A2M: variants seen among roughly 807,000 people sequenced by gnomAD.
The protein encoded by A2M is C3 and PZP-like alpha-2-macroglobulin domain-containing protein 5.
A neutral mutation model predicts 183.9 loss-of-function variants in A2M; 128 were observed. The observed-to-expected ratio is 0.70, with a 90% CI of 0.60 to 0.81. The LOEUF (loss-of-function observed/expected upper bound fraction) is 0.81. Ranked by LOEUF, A2M falls within the 30% of genes least tolerant of loss-of-function variation. A2M has a pLI of 0.00. For missense variants in A2M, 1,495 were observed against 1,787.6 expected, an observed-to-expected ratio of 0.84 and a Z score of 2.95; for synonymous variants, 592 against 670.8, an observed-to-expected ratio of 0.88 and a Z score of 1.81.
At chr12:9,113,105 CTTT>C (rs11463805) in intron 2 of A2M, among the ~76,000 whole-genome samples, 1 of 143,920 alleles carries the variant, frequency 6.9e-6, no homozygotes, top group African/African-American at 2.6e-5. Context: ...GTCACATTTT[CTTT>C]TTTTTTTTTT....
intron 17 of A2M, among the ~76,000 whole-genome samples, chr12:9,094,375 A>ATAT (rs1949310145): frequency 7.3e-6 from 1 of 136,300 alleles, no homozygotes; most frequent in African/African-American, 2.7e-5. Context: ...ATATATATAT[A>ATAT]CCTATACATG....
rs376118057 is a variant in A2M at position 9,072,852 on chromosome 12, T to G, written c.3776A>C (p.His1259Pro). ...SSTQDTVVAL[H>P]ALSKYGAATF... is the part of the protein sequence containing the mutation. ...GGCTGCTCCATATTTGGACAGAGCA[T>G]GGAGAGCCACCACTGTGTCCTGTTA... The change falls in exon 30 of 36, where the codon CAT (histidine) becomes CCT (proline). Residue 1259 changes from histidine to proline, a missense_variant. Coordinates refer to ENST00000318602, the MANE Select transcript of A2M (RefSeq NM_000014.6). 3.1e-5 allele frequency: 50 copies of G among 1,613,850 alleles called. No homozygotes were observed. The highest frequency in any genetic ancestry group is 4.1e-5 in the Non-Finnish European group (48 of 1,179,932).
At chr12:9,107,440 C>T (rs2137934615) in intron 8 of A2M, 84 bp downstream of exon 8, 2 of 1,520,090 alleles carry the variant, frequency 1.3e-6, no homozygotes, top group Non-Finnish European at 1.8e-6. Flanking sequence ...TTGTTCTCTT[C>T]CTGCGTCAGA....
intron 4 of A2M, among the ~76,000 whole-genome samples, chr12:9,110,654 C>T (rs1410811819): frequency 6.6e-6 from 1 of 151,538 alleles, no homozygotes; most frequent in African/African-American, 2.4e-5. Context: ...ATGCCTGTAT[C>T]AAAATATCTC....
chr12:9,083,905 C>CA (rs762092260), intron 22 of A2M, among the ~76,000 whole-genome samples: 2 of 150,718 alleles, frequency 1.3e-5, no homozygotes, highest in South Asian at 2.1e-4. Context: ...AAATCAAAGA[C>CA]AAAAAAAAAT....
intron 31 of A2M, 30 bp from the exon 32 acceptor site, chr12:9,070,608 G>A: frequency 1.4e-6 from 2 of 1,478,178 alleles, no homozygotes; most frequent in Non-Finnish European, 1.9e-6. Flanking sequence ...AAGGATTAGG[G>A]TTTTCTGTGT....
chr12:9,079,551 T>A lies in A2M; in HGVS notation c.3031+88A>T, dbSNP rs915173116. 15 of 1,279,834 alleles carry A rather than the reference T, an allele frequency of 1.2e-5. No homozygotes were observed. The African/African-American group carries it at 2.2e-4, about 19-fold the overall frequency. 79.3% of individuals were successfully genotyped at this position (1,279,834 alleles called of 1,614,324 possible). On this transcript the variant is annotated intron_variant, in intron 24 of 35. Transcript: ENST00000318602. ...GCTATCATAGTGAGCTAAGCTAATG[T>A]ATCATAATATTCATAAGTAACTGAA... is the stretch of plus-strand genomic sequence containing the variant.
chr12:9,068,965 CTTAA>C, intron 33 of A2M, 123 bp from the exon 34 acceptor site: 1 of 592,282 alleles, frequency 1.7e-6, no homozygotes, highest in East Asian at 2.9e-5. Context: ...CTATAGGGTC[CTTAA>C]TTAAATTGTG....
chr12:9,068,948 C>A, intron 33 of A2M, 106 bp from the exon 34 acceptor site: 1 of 713,216 alleles, frequency 1.4e-6, no homozygotes, highest in Non-Finnish European at 2.3e-6. Context: ...TATTATCCTA[C>A]AGCACACTAT....
At chr12:9,106,103 C>A in intron 10 of A2M, 133 bp downstream of exon 10, 1 of 540,650 alleles carries the variant, frequency 1.8e-6, no homozygotes, top group Non-Finnish European at 3.3e-6. Context: ...CTAATCAAGC[C>A]TTGGTGATAT....
chr12:9,072,542 A>G, intron 30 of A2M, 56 bp from the exon 31 acceptor site: 1 of 1,602,040 alleles, frequency 6.2e-7, no homozygotes, highest in Non-Finnish European at 8.5e-7. Context: ...ATTCCTGTCC[A>G]CGTCCCTAAC....
chr12:9,110,920 T>C (rs150882732), intron 4 of A2M, among the ~76,000 whole-genome samples: 23 of 152,280 alleles, frequency 1.5e-4, no homozygotes, highest in African/African-American at 5.5e-4. Flanking sequence ...TAACATGTCT[T>C]AAGTGCTTAT....
rs1285165990 is a variant in A2M at position 9,070,517 on chromosome 12, A to C, written c.4165T>G (p.Phe1389Val). 2 of 1,613,792 alleles carry C rather than the reference A, an allele frequency of 1.2e-6. No individual in the cohort carries two copies. Among genetic ancestry groups the C allele is most frequent in the Non-Finnish European group, 1.7e-6 (2 of 1,179,850 alleles). Residue 1389 changes from phenylalanine (F) to valine (V), a missense_variant, in exon 32 of 36, where the codon TTC (phenylalanine) becomes GTC (valine). Coordinates refer to ENST00000318602, the MANE Select transcript of A2M (RefSeq NM_000014.6). ...TTCACTGTTGGCTTCAGGGGAATGA[A>C]GCCAGAGACCATCTTCACATCAACG... ...AIVDVKMVSG[F>V]IPLKPTVKML...
At chr12:9,089,280 A>G in intron 21 of A2M, 29 bp from the exon 22 acceptor site, 1 of 1,503,792 alleles carries the variant, frequency 6.6e-7, no homozygotes, top group Middle Eastern at 1.7e-4. Context: ...AAAGCTAGTG[A>G]GAATGGACTG....
chr12:9,106,691 G>C (rs1326519845), intron 8 of A2M, 86 bp from the exon 9 acceptor site: 7 of 637,322 alleles, frequency 1.1e-5, no homozygotes, highest in African/African-American at 3.7e-5. Context: ...TGATTTTTGT[G>C]GGGGGACAAC....
chr12:9,068,617 T>A, intron 34 of A2M, 123 bp downstream of exon 34: 1 of 809,104 alleles, frequency 1.2e-6, no homozygotes, highest in South Asian at 1.6e-5. Flanking sequence ...TCAGACTTGA[T>A]GGAGACAAAA....
At chr12:9,107,373 TA>T in intron 8 of A2M, 150 bp downstream of exon 8, 1 of 925,062 alleles carries the variant, frequency 1.1e-6, no homozygotes, top group Non-Finnish European at 1.6e-6. Context: ...CCCATTGTGC[TA>T]AGTTCATGAT....
Position 9,099,373 on chromosome 12 carries a change from A to T in A2M, c.1701+8T>A. Reference sequence around the variant, plus strand: ...CATGTTGAAGATTTTATGATCTAAAACACACACCTTGTTGGCCAGACAATT... The same window carrying T: ...CATGTTGAAGATTTTATGATCTAAATCACACACCTTGTTGGCCAGACAATT... On this transcript the variant is annotated splice_region_variant and intron_variant, in intron 14 of 35. Transcript: ENST00000318602. 2 of 1,553,230 alleles carry T rather than the reference A, an allele frequency of 1.3e-6. No individual in the cohort carries two copies. Among genetic ancestry groups the T allele is most frequent in the Non-Finnish European group, 1.7e-6 (2 of 1,147,530 alleles).
chr12:9,081,948 A>G (rs1229177571), intron 22 of A2M, among the ~76,000 whole-genome samples: 4 of 152,194 alleles, frequency 2.6e-5, no homozygotes, highest in Non-Finnish European at 5.9e-5. Flanking sequence ...TGCAAAACTG[A>G]GCTGGTCACT....
Sources: gnomAD v4.1 joint callset for allele counts (sites outside exome capture counted in the v4.1 genomes callset) on GRCh38, gnomAD v4.1.1 for gene constraint, MANE v1.5 for transcripts, NCBI Gene and HGNC (gene_info 2026-07-23, HGNC 2026-07-21) for gene names.